Variants in FAM78B observed in about 807,000 individuals in gnomAD.
FAM78B encodes the protein protein FAM78B.
Under a neutral mutation model 20.0 loss-of-function variants are expected in FAM78B, and 10 were observed. The ratio of observed to expected loss-of-function variants is 0.50; its 90% CI spans 0.31 to 0.85. FAM78B has a LOEUF of 0.85. Among genes scored for constraint, FAM78B ranks in the 40% least tolerant of loss-of-function variants. The pLI, the probability that FAM78B is intolerant of heterozygous loss-of-function variation, is 0.05. For missense variants in FAM78B, 283 were observed against 345.0 expected, an observed-to-expected ratio of 0.82 and a Z score of 1.42; for synonymous variants, 135 against 132.8, an observed-to-expected ratio of 1.02 and a Z score of -0.12.
chr1:166,093,949 G>GC (rs779389793), intron 1 of FAM78B, among the ~76,000 whole-genome samples: 11 of 151,392 alleles, frequency 7.3e-5, no homozygotes, highest in Non-Finnish European at 1.5e-4. Context: ...GGAGAGAGGA[G>GC]CAGGGTGGGG....
intron 1 of FAM78B, among the ~76,000 whole-genome samples, chr1:166,144,977 G>A (rs995278636): frequency 1.3e-5 from 2 of 152,118 alleles, no homozygotes; most frequent in Non-Finnish European, 2.9e-5. Context: ...AGGGTTGGGA[G>A]GACTCACCAC....
At chr1:166,151,207 A>T (rs1280089701) in intron 1 of FAM78B, among the ~76,000 whole-genome samples, 1 of 152,222 alleles carries the variant, frequency 6.6e-6, no homozygotes, top group South Asian at 2.1e-4. Flanking sequence ...AAATGTCTCA[A>T]TGAAGACAAT....
At chr1:166,063,820 T>C (rs1040654146) in intron 2 of FAM78B, among the ~76,000 whole-genome samples, 1 of 152,230 alleles carries the variant, frequency 6.6e-6, no homozygotes, top group Admixed American at 6.5e-5. Flanking sequence ...TCTAATGTGT[T>C]TTCCCTTCTC....
intron 1 of FAM78B, among the ~76,000 whole-genome samples, chr1:166,132,336 G>A (rs1654907156): frequency 6.6e-6 from 1 of 152,146 alleles, no homozygotes; most frequent in African/African-American, 2.4e-5. Flanking sequence ...CACTGGACTT[G>A]ACTAGCAAAA....
At chr1:166,136,989 A>G (rs761354609) in intron 1 of FAM78B, among the ~76,000 whole-genome samples, 2 of 152,178 alleles carry the variant, frequency 1.3e-5, no homozygotes, top group Non-Finnish European at 2.9e-5. Context: ...TGAGGATACT[A>G]AGCTCCTAAT....
chr1:166,150,624 G>A (rs982390405), intron 1 of FAM78B, among the ~76,000 whole-genome samples: 5 of 152,144 alleles, frequency 3.3e-5, no homozygotes, highest in African/African-American at 4.8e-5. Context: ...AAAGAGTTAC[G>A]ACCACACTAG....
At chr1:166,162,756 C>A (rs1018849092) in intron 1 of FAM78B, among the ~76,000 whole-genome samples, 1 of 152,140 alleles carries the variant, frequency 6.6e-6, no homozygotes, top group African/African-American at 2.4e-5. Flanking sequence ...CAACAGACCC[C>A]AAGCTACCTT....
chr1:166,114,578 G>C (rs1488989367), intron 1 of FAM78B, among the ~76,000 whole-genome samples: 1 of 152,138 alleles, frequency 6.6e-6, no homozygotes, highest in Non-Finnish European at 1.5e-5. Context: ...TGGGTGTCTG[G>C]GAAGGTTTCC....
intron 1 of FAM78B, among the ~76,000 whole-genome samples, chr1:166,100,915 C>T (rs540315374): frequency 1.3e-5 from 2 of 152,346 alleles, no homozygotes; most frequent in East Asian, 1.9e-4. Context: ...CCCTAACCCC[C>T]TGAGTAGCCT....
At chr1:166,110,347 C>A (rs1260868187) in intron 1 of FAM78B, among the ~76,000 whole-genome samples, 1 of 152,068 alleles carries the variant, frequency 6.6e-6, no homozygotes, top group Non-Finnish European at 1.5e-5. Flanking sequence ...AAATCCCAAC[C>A]TCAGATCCTC....
At chr1:166,126,444 T>G (rs1654645430) in intron 1 of FAM78B, among the ~76,000 whole-genome samples, 2 of 152,076 alleles carry the variant, frequency 1.3e-5, no homozygotes, top group South Asian at 4.1e-4. Context: ...GATGAAATAG[T>G]AGAGCAGGTA....
Position 166,166,439 on chromosome 1 carries a change from C to T in FAM78B, c.-191G>A. 3.3e-6 allele frequency: 1 copy of T among 301,274 alleles called. No individual in the cohort carries two copies. Among genetic ancestry groups the T allele is most frequent in the Non-Finnish European group, 5.0e-6 (1 of 201,594 alleles). The allele number at this position is 301,274 out of a possible 1,614,324, so 18.7% of individuals were successfully genotyped here. Reference sequence around the variant, plus strand: ...TCCTCTTGCAGCCGCGCGGGGTCCCCGCTGCCCCGACGTCCGCCCACGCCC... The same window carrying T: ...TCCTCTTGCAGCCGCGCGGGGTCCCTGCTGCCCCGACGTCCGCCCACGCCC... On this transcript the variant is annotated 5_prime_UTR_variant, in exon 1 of 2. Coordinates refer to ENST00000354422, the MANE Select transcript of FAM78B (RefSeq NM_001017961.5).
At chr1:166,068,210 GGA>G (rs1491495524), downstream of FAM78B, among the ~76,000 whole-genome samples, 1 of 152,178 alleles carries the variant, frequency 6.6e-6, no homozygotes, top group African/African-American at 2.4e-5. Context: ...TCAGTCTGGG[GGA>G]GAGAGTGCTG....
At chr1:166,112,655 T>G (rs2101760165) in intron 1 of FAM78B, among the ~76,000 whole-genome samples, 1 of 152,276 alleles carries the variant, frequency 6.6e-6, no homozygotes. Flanking sequence ...GCTCCATCAC[T>G]CCATGAGGCA....
chr1:166,136,649 A>G (rs544355294), intron 1 of FAM78B, among the ~76,000 whole-genome samples: 66 of 152,226 alleles, frequency 4.3e-4, no homozygotes, highest in Non-Finnish European at 9.3e-4. Context: ...TGATCTACCA[A>G]AAAGAAAAAG....
chr1:166,118,580 A>G (rs1654347735), intron 1 of FAM78B, among the ~76,000 whole-genome samples: 1 of 152,136 alleles, frequency 6.6e-6, no homozygotes, highest in Admixed American at 6.5e-5. Flanking sequence ...AAACACAGCC[A>G]TGCTCATTCA....
At chr1:166,070,829 G>A (rs1039359614) in intron 1 of FAM78B, 66 bp from the exon 2 acceptor site, 27 of 1,481,348 alleles carry the variant, frequency 1.8e-5, no homozygotes, top group Non-Finnish European at 2.4e-5. Context: ...AGCTGGAGAG[G>A]TGCTCACTGC....
rs543214190 is a variant in FAM78B at position 166,073,973 on chromosome 1, C to T, written c.264-3210G>A. 2.0e-5 allele frequency among the ~76,000 whole-genome samples: 3 copies of T among 152,330 alleles called. No homozygotes were observed. The East Asian group carries it at 5.8e-4, about 29-fold the overall frequency. On this transcript the variant is annotated intron_variant, in intron 1 of 1. Transcript: ENST00000354422. ...CCCCACCCAACTCTTACTGCCTTCA[C>T]TTAATCCAAGCCCTCAGCATCTCTT... is the stretch of plus-strand genomic sequence containing the variant.
chr1:166,113,463 C>T (rs992876354), intron 1 of FAM78B, among the ~76,000 whole-genome samples: 5 of 152,246 alleles, frequency 3.3e-5, no homozygotes, highest in African/African-American at 1.2e-4. Context: ...GAAAGCCTTA[C>T]AAACATTAGC....
Sources: allele counts gnomAD v4.1 joint callset (sites outside exome capture counted in the v4.1 genomes callset), GRCh38; gene constraint gnomAD v4.1.1; transcripts MANE v1.5; gene names NCBI Gene and HGNC (gene_info 2026-07-23, HGNC 2026-07-21).